SYT14: variants seen among roughly 807,000 people sequenced by gnomAD.
The protein encoded by SYT14 is synaptotagmin-14.
A neutral mutation model predicts 74.2 loss-of-function variants in SYT14; 32 were observed. The observed-to-expected ratio is 0.43, with a 90% CI of 0.33 to 0.58. The LOEUF is 0.58. SYT14 is among the 20% of genes least tolerant of loss of function. The pLI, the probability that SYT14 is intolerant of heterozygous loss-of-function variation, is 0.05. For synonymous variants in SYT14, 298 were observed against 337.7 expected, an observed-to-expected ratio of 0.88 and a Z score of 1.29; for missense variants, 791 against 981.8, an observed-to-expected ratio of 0.81 and a Z score of 2.60.
At chr1:209,953,540 A>T (rs1376331075) in intron 2 of SYT14, among the ~76,000 whole-genome samples, 1 of 152,132 alleles carries the variant, frequency 6.6e-6, no homozygotes, top group Admixed American at 6.6e-5. Context: ...CCCATCCCTA[A>T]TATTTCACTT....
At chr1:210,016,607 A>G in exon 4 of SYT14, 5 of 1,231,976 alleles carry the variant, frequency 4.1e-6, no homozygotes, top group Non-Finnish European at 5.1e-6. Context: ...AGGAAATCAG[A>G]AGAATGCCAA....
At position 210,016,759 on chromosome 1, in the gene SYT14, C is replaced by G. The variant is rs4844940; in HGVS notation, c.756C>G (p.Pro252=). 5.1e-3 allele frequency: 6,300 copies of G among 1,231,612 alleles called. 28 individuals are homozygous for G. Among genetic ancestry groups the G allele is most frequent in the Non-Finnish European group, 5.8e-3 (5,693 of 987,760 alleles). 76.3% of individuals were successfully genotyped at this position (1,231,612 alleles called of 1,614,324 possible). Reference sequence around the variant, plus strand: ...ATTTCAATAAATGTAAACATCTTCCCGATTTAGGGCATTCAGATCATTTAA... The same window carrying G: ...ATTTCAATAAATGTAAACATCTTCCGGATTTAGGGCATTCAGATCATTTAA... Residue 252 remains proline, a synonymous_variant, in exon 4 of 10, where the codon CCC becomes CCG. Transcript: ENST00000637265.
chr1:210,146,352 T>C (rs182051898), intron 7 of SYT14, among the ~76,000 whole-genome samples: 1 of 152,122 alleles, frequency 6.6e-6, no homozygotes, highest in Non-Finnish European at 1.5e-5. Flanking sequence ...GAAAAAACAG[T>C]ATATGGCCTA....
chr1:210,165,203 G>T (rs2102739421), exon 10 of SYT14: 1 of 152,128 alleles, frequency 6.6e-6, no homozygotes, highest in East Asian at 1.9e-4. Flanking sequence ...CCCATGCTAT[G>T]CATGTTGCAT....
intron 7 of SYT14, among the ~76,000 whole-genome samples, chr1:210,150,875 T>A (rs2083143823): frequency 6.6e-6 from 1 of 152,180 alleles, no homozygotes; most frequent in Non-Finnish European, 1.5e-5. Context: ...AGGAATTATA[T>A]TGTATTTTTA....
chr1:210,127,106 C>T (rs985639053), intron 7 of SYT14, among the ~76,000 whole-genome samples: 8 of 152,126 alleles, frequency 5.3e-5, no homozygotes, highest in African/African-American at 1.9e-4. Flanking sequence ...TGGTCCCATA[C>T]TCATTTATAA....
chr1:210,156,940 C>T (rs890151391), intron 8 of SYT14: 92 of 314,548 alleles, frequency 2.9e-4, no homozygotes, highest in South Asian at 2.0e-3. Context: ...GTGATCCATC[C>T]ACTTCGGCCT....
intron 5 of SYT14, among the ~76,000 whole-genome samples, chr1:210,054,965 G>T (rs140783279): frequency 9.4e-4 from 143 of 152,248 alleles, no homozygotes; most frequent in Non-Finnish European, 1.7e-3. Flanking sequence ...ACAGTTTGGG[G>T]TGGGAGTGTT....
At chr1:210,101,258 A>G (rs1028869113) in intron 7 of SYT14, among the ~76,000 whole-genome samples, 7 of 152,192 alleles carry the variant, frequency 4.6e-5, no homozygotes, top group African/African-American at 1.7e-4. Context: ...ATTATGGTTT[A>G]TATTTATTCA....
exon 10 of SYT14, chr1:210,160,745 A>C: frequency 6.2e-7 from 1 of 1,613,816 alleles, no homozygotes; most frequent in Non-Finnish European, 8.5e-7. Context: ...ATGTTAAGTT[A>C]ACTCTACTGA....
intron 1 of SYT14, among the ~76,000 whole-genome samples, chr1:209,948,196 A>G (rs1049150465): frequency 3.3e-5 from 5 of 152,170 alleles, no homozygotes; most frequent in Admixed American, 6.5e-5. Context: ...ATGTATTTCG[A>G]TGGGGCTGCC....
At chr1:209,975,718 TA>T (rs1303336768) in intron 2 of SYT14, among the ~76,000 whole-genome samples, 1 of 152,220 alleles carries the variant, frequency 6.6e-6, no homozygotes, top group Non-Finnish European at 1.5e-5. Flanking sequence ...GCTGGCCTCA[TA>T]AAATGAGTTA....
intron 7 of SYT14, among the ~76,000 whole-genome samples, chr1:210,142,483 G>A (rs2082936962): frequency 6.6e-6 from 1 of 152,150 alleles, no homozygotes; most frequent in South Asian, 2.1e-4. Context: ...CTGTAAGGGT[G>A]TTTGAGTAGA....
At chr1:209,993,577 G>A (rs1039126023) in intron 2 of SYT14, among the ~76,000 whole-genome samples, 4 of 152,188 alleles carry the variant, frequency 2.6e-5, no homozygotes, top group Admixed American at 6.5e-5. Flanking sequence ...GTGGGAACCA[G>A]ACATGCATTT....
chr1:210,079,322 A>G (rs944543617), intron 5 of SYT14, among the ~76,000 whole-genome samples: 3 of 152,138 alleles, frequency 2.0e-5, no homozygotes, highest in Admixed American at 1.3e-4. Flanking sequence ...CAATATAACA[A>G]TTATATAACT....
intron 5 of SYT14, among the ~76,000 whole-genome samples, chr1:210,042,997 T>C (rs1001184195): frequency 6.6e-6 from 1 of 152,144 alleles, no homozygotes; most frequent in Non-Finnish European, 1.5e-5. Flanking sequence ...ATGGAATGTT[T>C]TTCCATTTGT....
Position 210,055,959 on chromosome 1 carries a change from A to G in SYT14, c.1312+34705A>G, listed in dbSNP as rs566891635. Among the ~76,000 whole-genome samples the G allele has an allele frequency of 5.3e-5, 8 of 152,312 alleles. No individual in the cohort carries two copies. The South Asian group carries it at 1.7e-3, about 32-fold the overall frequency. ...TTCTCACAGAACATTTAGAAACATC[A>G]TGTAAATAAGATTTTTGATGCTATT... On this transcript the variant is annotated intron_variant, in intron 5 of 9. Transcript: ENST00000637265.
At chr1:209,964,013 C>T (rs184256210) in intron 2 of SYT14, among the ~76,000 whole-genome samples, 3 of 152,250 alleles carry the variant, frequency 2.0e-5, no homozygotes, top group Admixed American at 6.5e-5. Flanking sequence ...TTGTTATACA[C>T]GCTTGGGTCA....
At chr1:210,164,036 GTTTA>G (rs1271676094) in exon 10 of SYT14, 1 of 453,296 alleles carries the variant, frequency 2.2e-6, no homozygotes, top group Non-Finnish European at 4.4e-6. Flanking sequence ...GAATTATGGG[GTTTA>G]TTTTTCTCCC....
Sources: gnomAD v4.1 joint callset for allele counts (sites outside exome capture counted in the v4.1 genomes callset) on GRCh38, gnomAD v4.1.1 for gene constraint, MANE v1.5 for transcripts, NCBI Gene and HGNC (gene_info 2026-07-23, HGNC 2026-07-21) for gene names.